DAB2IP: variants seen among roughly 807,000 people sequenced by gnomAD.
DAB2IP encodes disabled homolog 2-interacting protein.
In DAB2IP, 28 loss-of-function variants were observed where a neutral mutation model predicts 107.2. The observed-to-expected ratio is 0.26, with a 90% CI of 0.19 to 0.36. DAB2IP has a LOEUF of 0.36. DAB2IP is among the 10% of genes least tolerant of loss of function. The probability of loss-of-function intolerance (pLI) is 1.00; values close to 1 mark genes in which losing one functional copy is unlikely to be tolerated. For synonymous variants in DAB2IP, 755 were observed against 706.4 expected (o/e 1.07, Z -1.09); for missense variants, 1,400 against 1,644.7 (o/e 0.85, Z 2.57).
At chr9:121,750,147 A>G (rs1162990658) in intron 3 of DAB2IP, among the ~76,000 whole-genome samples, 1 of 152,120 alleles carries the variant, frequency 6.6e-6, no homozygotes, top group Non-Finnish European at 1.5e-5. Context: ...TATCCTCACT[A>G]CGGATGGGGA....
chr9:121,680,442 C>T (rs761886207), intron 2 of DAB2IP, among the ~76,000 whole-genome samples: 1 of 152,174 alleles, frequency 6.6e-6, no homozygotes, highest in African/African-American at 2.4e-5. Context: ...AGGAAGCCTG[C>T]GCTGAGACGA....
chr9:121,671,683 A>G (rs550222848), intron 1 of DAB2IP, among the ~76,000 whole-genome samples: 3 of 152,144 alleles, frequency 2.0e-5, no homozygotes, highest in East Asian at 3.9e-4. Context: ...TTTGCAACTG[A>G]TTTTTTTCAC....
Position 121,736,999 on chromosome 9 carries a change from TC to T in DAB2IP, c.363-20012del, listed in dbSNP as rs1831976035. 6.6e-6 allele frequency among the ~76,000 whole-genome samples: 1 copy of T among 152,162 alleles called. No homozygotes were observed. ...GCTAGAGAGATCAGGGAAGGCCTCT[TC>T]CTGGGACGGGACTTTGGGTCTGAGA... On this transcript the variant is annotated intron_variant, in intron 3 of 15. Transcript: ENST00000408936. The surrounding 1 kb of genome is among the most constrained non-coding windows in gnomAD (Gnocchi z 4.6).
At chr9:121,756,142 A>G (rs1025967005) in intron 3 of DAB2IP, among the ~76,000 whole-genome samples, 1 of 152,160 alleles carries the variant, frequency 6.6e-6, no homozygotes, top group Non-Finnish European at 1.5e-5. Context: ...CTAAGAGGAC[A>G]CTGCTCTGTG....
exon 16 of DAB2IP, chr9:121,783,382 C>T: frequency 6.5e-7 from 1 of 1,540,026 alleles, no homozygotes. Context: ...TGGGGCCCAG[C>T]ACACCCAGGG....
chr9:121,595,282 C>A (rs1363397023), intron 1 of DAB2IP, among the ~76,000 whole-genome samples: 1 of 151,760 alleles, frequency 6.6e-6, no homozygotes, highest in Non-Finnish European at 1.5e-5. Context: ...CACTGTGTGT[C>A]TCCTATCCTG....
intron 1 of DAB2IP, among the ~76,000 whole-genome samples, chr9:121,618,156 C>T (rs1296811344): frequency 6.6e-6 from 1 of 152,086 alleles, no homozygotes; most frequent in Non-Finnish European, 1.5e-5. Context: ...AAATGGATTA[C>T]GATGGGATTA....
At chr9:121,656,171 G>A (rs1229774726) in intron 1 of DAB2IP, among the ~76,000 whole-genome samples, 1 of 152,140 alleles carries the variant, frequency 6.6e-6, no homozygotes, top group Non-Finnish European at 1.5e-5. Context: ...ACCACACCCG[G>A]CTAATTTTGT....
intron 2 of DAB2IP, among the ~76,000 whole-genome samples, chr9:121,689,486 G>T (rs1829052729): frequency 6.6e-6 from 1 of 152,140 alleles, no homozygotes; most frequent in African/African-American, 2.4e-5. Context: ...GCTTACTCAG[G>T]TGGATTTATG....
intron 3 of DAB2IP, among the ~76,000 whole-genome samples, chr9:121,753,651 G>C (rs1833284515): frequency 6.6e-6 from 1 of 152,218 alleles, no homozygotes; most frequent in Admixed American, 6.5e-5. Context: ...AAAATGGGTA[G>C]ATGAATACTC....
At chr9:121,575,840 G>T (rs1407145011) in intron 1 of DAB2IP, among the ~76,000 whole-genome samples, 1 of 152,164 alleles carries the variant, frequency 6.6e-6, no homozygotes, top group Admixed American at 6.5e-5. Context: ...TCCTCCCAAG[G>T]TCTCAACTCT....
At chr9:121,783,557 C>T (rs763040319) in exon 16 of DAB2IP, 9 of 1,613,824 alleles carry the variant, frequency 5.6e-6, no homozygotes, top group Non-Finnish European at 5.1e-6. Context: ...AACAAAAGCC[C>T]GCTTGCTCGC....
intron 3 of DAB2IP, among the ~76,000 whole-genome samples, chr9:121,703,992 A>G (rs1407228411): frequency 6.6e-6 from 1 of 152,186 alleles, no homozygotes; most frequent in African/African-American, 2.4e-5. Context: ...GGGAAAGCAA[A>G]GCTCTCATGT....
Position 121,757,005 on chromosome 9 carries a change from C to G in DAB2IP, c.363-8C>G, listed in dbSNP as rs1173961242. 6.2e-7 allele frequency: 1 copy of G among 1,613,736 alleles called. No homozygotes were observed. Among genetic ancestry groups the G allele is most frequent in the African/African-American group, 1.3e-5 (1 of 74,938 alleles). ...GGGGCCCACCTGACACACCTACTGC[C>G]ACCCCAGGTCCCATCTGATGCCGAG... is the stretch of plus-strand genomic sequence containing the variant. On this transcript the variant is annotated splice_region_variant and splice_polypyrimidine_tract_variant and intron_variant, in intron 3 of 15. Transcript: ENST00000408936.
At chr9:121,704,576 G>A (rs539790059) in intron 3 of DAB2IP, among the ~76,000 whole-genome samples, 35 of 152,080 alleles carry the variant, frequency 2.3e-4, no homozygotes, top group Non-Finnish European at 4.9e-4. Flanking sequence ...CCATGTAGGT[G>A]GATCCTACAC....
intron 3 of DAB2IP, chr9:121,737,788 G>A: frequency 1.0e-6 from 1 of 984,414 alleles, no homozygotes; most frequent in Non-Finnish European, 1.2e-6. Flanking sequence ...TGGGTCTCCA[G>A]CCAGGTATGG....
chr9:121,680,835 C>T (rs752106644), intron 2 of DAB2IP, among the ~76,000 whole-genome samples: 13 of 151,722 alleles, frequency 8.6e-5, no homozygotes, highest in African/African-American at 2.7e-4. Flanking sequence ...CTCTGCCTCC[C>T]GGGTTCAAAT....
rs368342737 is a variant in DAB2IP at position 121,776,354 on chromosome 9, G to A, written c.3277G>A (p.Glu1093Lys). 1.9e-6 allele frequency: 3 copies of A among 1,551,338 alleles called. No homozygotes were observed. Among genetic ancestry groups the A allele is most frequent in the Non-Finnish European group, 2.6e-6 (3 of 1,147,256 alleles). The change falls in exon 14 of 16, where the codon GAG (glutamate) becomes AAG (lysine). Residue 1093 changes from glutamate to lysine, a missense_variant. Around this residue, in one of 3 missense-constraint regions of DAB2IP, gnomAD observed 600 missense variants for 659.1 expected, o/e 0.91. Coordinates refer to ENST00000408936, the Ensembl canonical transcript of DAB2IP. The surrounding 1 kb of genome is among the most constrained non-coding windows in gnomAD (Gnocchi z 5.4). Reference sequence around the variant, plus strand: ...CGAGGAGCGGCTGCGGCGGCAGCAGGAGGACAAGGACATCCAGATGAAGGG... The same window carrying A: ...CGAGGAGCGGCTGCGGCGGCAGCAGAAGGACAAGGACATCCAGATGAAGGG...
intron 2 of DAB2IP, among the ~76,000 whole-genome samples, chr9:121,686,808 G>T (rs1395478645): frequency 6.6e-6 from 1 of 152,164 alleles, no homozygotes; most frequent in Non-Finnish European, 1.5e-5. Flanking sequence ...TGTGAGGGGT[G>T]CACCTCCACC....
Sources: allele counts gnomAD v4.1 joint callset (sites outside exome capture counted in the v4.1 genomes callset), GRCh38; gene constraint gnomAD v4.1.1; regional missense constraint gnomAD v4.1.1; non-coding constraint Gnocchi (gnomAD v3.1); transcripts MANE v1.5; gene names NCBI Gene and HGNC (gene_info 2026-07-23, HGNC 2026-07-21).